PCDHA11: variants seen among roughly 807,000 people sequenced by gnomAD.
The protein encoded by PCDHA11 is protocadherin alpha-11.
Under a neutral mutation model 70.3 loss-of-function variants are expected in PCDHA11, and 61 were observed. That is an observed-to-expected ratio of 0.87 (90% CI 0.71 to 1.07). The LOEUF is 1.07. PCDHA11 is among the 50% of genes least tolerant of loss of function. The probability of loss-of-function intolerance (pLI) is 0.00; values close to 1 mark genes in which losing one functional copy is unlikely to be tolerated. For synonymous variants in PCDHA11, 633 were observed against 555.1 expected, an observed-to-expected ratio of 1.14 and a Z score of -1.97; for missense variants, 1,324 against 1,237.5, an observed-to-expected ratio of 1.07 and a Z score of -1.05.
chr5:140,929,413 A>G, intron 1 of PCDHA11: 1 of 1,505,438 alleles, frequency 6.6e-7, no homozygotes, highest in Non-Finnish European at 8.9e-7. Context: ...AGCCTTTCAC[A>G]ACATTTCATC....
At chr5:140,927,288 C>T (rs917590577) in intron 1 of PCDHA11, 1 of 1,614,196 alleles carries the variant, frequency 6.2e-7, no homozygotes, top group Non-Finnish European at 8.5e-7. Context: ...TGCAGCTGCA[C>T]ATCCCCGAGT....
intron 1 of PCDHA11, among the ~76,000 whole-genome samples, chr5:140,880,215 G>A (rs944497497): frequency 3.3e-5 from 5 of 152,162 alleles, no homozygotes; most frequent in Non-Finnish European, 5.9e-5. Context: ...TCCACCAGAA[G>A]TAGAACATTT....
At chr5:140,953,948 C>A (rs1012464637) in intron 1 of PCDHA11, among the ~76,000 whole-genome samples, 2 of 152,092 alleles carry the variant, frequency 1.3e-5, no homozygotes, top group Non-Finnish European at 2.9e-5. Context: ...CATTGCTCCC[C>A]CAACAGGCCC....
intron 1 of PCDHA11, chr5:140,876,539 C>G: frequency 6.2e-7 from 1 of 1,614,170 alleles, no homozygotes; most frequent in Non-Finnish European, 8.5e-7. Flanking sequence ...ACTTCACTGT[C>G]GCTCCCTGTG....
At chr5:140,916,527 C>T (rs2077599616) in intron 1 of PCDHA11, among the ~76,000 whole-genome samples, 1 of 152,162 alleles carries the variant, frequency 6.6e-6, no homozygotes, top group Non-Finnish European at 1.5e-5. Context: ...CTGGGTCCTT[C>T]CCACCAAGGC....
At position 140,871,211 on chromosome 5, in the gene PCDHA11, T is replaced by C. The variant is rs781784103; in HGVS notation, c.2108T>C (p.Ile703Thr). 1.2e-6 allele frequency: 2 copies of C among 1,613,842 alleles called. No homozygotes were observed. Among genetic ancestry groups the C allele is most frequent in the Non-Finnish European group, 1.7e-6 (2 of 1,179,956 alleles). ...GTCAACGTGTACCTGATCATCGCCA[T>C]CTGCGTGGTGTCCAGCCTCCTGGTA... The part of the protein sequence containing the change: ...VDVNVYLIIA[I>T]CVVSSLLVLT... The change falls in exon 1 of 4, where the codon ATC (isoleucine) becomes ACC (threonine). Residue 703 changes from isoleucine to threonine, a missense_variant. Physicochemically the swap from Ile to Thr is moderately conservative, Grantham distance 89 (BLOSUM62 -1). Transcript: ENST00000398640.
At chr5:140,900,807 A>T (rs868976984) in intron 1 of PCDHA11, among the ~76,000 whole-genome samples, 1 of 152,176 alleles carries the variant, frequency 6.6e-6, no homozygotes, top group African/African-American at 2.4e-5. Context: ...TAGTGCTTGT[A>T]CTAATTTACA....
intron 1 of PCDHA11, among the ~76,000 whole-genome samples, chr5:140,976,505 C>T (rs538128648): frequency 3.3e-5 from 5 of 152,122 alleles, no homozygotes; most frequent in East Asian, 3.9e-4. Flanking sequence ...GAGCCAAGAT[C>T]GCGCCACTGC....
rs1422050863 is a variant in PCDHA11 at position 140,908,165 on chromosome 5, G to A, written c.2391+36671G>A. ...GTATGTCCTAGGAAGGGGCTGTAGT[G>A]CTGCAGCTGTCCACTTTCAGGTGGT... On this transcript the variant is annotated intron_variant, in intron 1 of 3. Coordinates refer to ENST00000398640, the MANE Select transcript of PCDHA11 (RefSeq NM_018902.5). 2.6e-5 allele frequency among the ~76,000 whole-genome samples: 4 copies of A among 152,222 alleles called. 1 individual carries two copies. The highest frequency in any genetic ancestry group is 5.9e-5 in the Non-Finnish European group (4 of 68,046).
Position 140,967,580 on chromosome 5 carries a change from C to T in PCDHA11, c.2392-11369C>T, listed in dbSNP as rs201304400. 42 of 1,614,122 alleles carry T rather than the reference C, an allele frequency of 2.6e-5. No homozygotes were observed. The East Asian group carries it at 4.7e-4, about 18-fold the overall frequency. ...CGTCCAGCTACGGGAGGACTCACCC[C>T]CAGGCACATTGGTGGTGAAGCTGAA... On this transcript the variant is annotated intron_variant, in intron 1 of 3. Transcript: ENST00000398640.
intron 3 of PCDHA11, among the ~76,000 whole-genome samples, chr5:140,992,328 A>G (rs2097505285): frequency 6.6e-6 from 1 of 152,150 alleles, no homozygotes; most frequent in South Asian, 2.1e-4. Flanking sequence ...CTTTTCTAAG[A>G]GCAAAGATGG....
intron 1 of PCDHA11, among the ~76,000 whole-genome samples, chr5:140,961,059 G>A (rs2095587077): frequency 6.6e-6 from 1 of 152,076 alleles, no homozygotes; most frequent in African/African-American, 2.4e-5. Flanking sequence ...AATGTTGAAT[G>A]GGATATCTGG....
intron 1 of PCDHA11, among the ~76,000 whole-genome samples, chr5:140,895,738 C>A (rs1554186621): frequency 6.6e-6 from 1 of 152,108 alleles, no homozygotes; most frequent in Non-Finnish European, 1.5e-5. Context: ...CAATGGGCTG[C>A]AAAGGGCATG....
rs1272799738 is a variant in PCDHA11 at position 140,969,033 on chromosome 5, T to C, written c.2392-9916T>C. On this transcript the variant is annotated intron_variant, in intron 1 of 3. Coordinates refer to ENST00000398640, the MANE Select transcript of PCDHA11 (RefSeq NM_018902.5). ...GTAAGGGAAAGGTCCCCTGCAGAAC[T>C]GTACAAACAAGCCAACAACAATATT... 5 of 1,614,028 alleles carry C rather than the reference T, an allele frequency of 3.1e-6. No individual in the cohort carries two copies. Among genetic ancestry groups the C allele is most frequent in the Admixed American group, 3.3e-5 (2 of 60,006 alleles).
intron 1 of PCDHA11, chr5:140,881,349 A>G: frequency 2.0e-6 from 2 of 985,302 alleles, no homozygotes; most frequent in Non-Finnish European, 2.4e-6. Flanking sequence ...TCGGGCTACA[A>G]TGCGTGGCTT....
chr5:140,953,542 A>G (rs2094901319), intron 1 of PCDHA11, among the ~76,000 whole-genome samples: 1 of 152,080 alleles, frequency 6.6e-6, no homozygotes, highest in Admixed American at 6.6e-5. Flanking sequence ...CTTCATGCTG[A>G]TTCTTTTCTC....
chr5:140,884,628 G>A (rs2153405760), intron 1 of PCDHA11: 3 of 1,612,722 alleles, frequency 1.9e-6, no homozygotes, highest in Non-Finnish European at 2.5e-6. Context: ...GAGGGAACAG[G>A]CCAGAGGGAG....
chr5:140,954,442 G>C (rs2095039188), intron 1 of PCDHA11, among the ~76,000 whole-genome samples: 1 of 151,940 alleles, frequency 6.6e-6, no homozygotes, highest in South Asian at 2.1e-4. Flanking sequence ...GTTGTTTCTG[G>C]ACTTGTTAAT....
At position 140,928,712 on chromosome 5, in the gene PCDHA11, G is replaced by A; in HGVS notation, c.2392-50237G>A. 3.1e-6 allele frequency: 5 copies of A among 1,614,168 alleles called. No homozygotes were observed. The highest frequency in any genetic ancestry group is 4.2e-6 in the Non-Finnish European group (5 of 1,180,042). Reference sequence around the variant, plus strand: ...CACATCTCCCGGGCGTCTGACTCTAGTCTCTTTAGAATTTCAGCCAATATA... The same window carrying A: ...CACATCTCCCGGGCGTCTGACTCTAATCTCTTTAGAATTTCAGCCAATATA... On this transcript the variant is annotated intron_variant, in intron 1 of 3. Coordinates refer to ENST00000398640, the MANE Select transcript of PCDHA11 (RefSeq NM_018902.5).
Sources: gnomAD v4.1 joint callset for allele counts (sites outside exome capture counted in the v4.1 genomes callset) on GRCh38, gnomAD v4.1.1 for gene constraint, MANE v1.5 for transcripts, NCBI Gene and HGNC (gene_info 2026-07-23, HGNC 2026-07-21) for gene names.